The following HS6ST3 variants were observed in gnomAD, a reference collection of about 807,000 sequenced individuals.
The protein encoded by HS6ST3 is heparan sulfate 6-O-sulfotransferase 3.
Under a neutral mutation model 36.7 loss-of-function variants are expected in HS6ST3, and 12 were observed. The ratio of observed to expected loss-of-function variants is 0.33; its 90% CI spans 0.21 to 0.53. HS6ST3 has a LOEUF of 0.53. HS6ST3 is among the 20% of genes least tolerant of loss of function. The pLI is 0.95. For synonymous variants in HS6ST3, 240 were observed against 257.5 expected, an observed-to-expected ratio of 0.93 and a Z score of 0.65; for missense variants, 584 against 640.9, an observed-to-expected ratio of 0.91 and a Z score of 0.96.
At position 96,326,702 on chromosome 13, in the gene HS6ST3, G is replaced by C. The variant is rs138185755; in HGVS notation, c.707+235133G>C. On this transcript the variant is annotated intron_variant, in intron 1 of 1. Transcript: ENST00000376705. Reference sequence around the variant, plus strand: ...CCTTTGGGTATTTACCCAGTAATGGGATGGCTGGGTCAAATGGTATTTCTA... The same window carrying C: ...CCTTTGGGTATTTACCCAGTAATGGCATGGCTGGGTCAAATGGTATTTCTA... 1.6e-3 allele frequency among the ~76,000 whole-genome samples: 239 copies of C among 152,200 alleles called. 5 individuals carry two copies. The East Asian group carries it at 0.036, about 23-fold the overall frequency.
chr13:96,277,486 A>C (rs1385906725), intron 1 of HS6ST3, among the ~76,000 whole-genome samples: 2 of 152,198 alleles, frequency 1.3e-5, no homozygotes, highest in East Asian at 3.9e-4. Context: ...CTACTAAGTA[A>C]GAATTTTTGA....
chr13:96,759,752 G>C (rs1876920598), intron 1 of HS6ST3, among the ~76,000 whole-genome samples: 1 of 151,974 alleles, frequency 6.6e-6, no homozygotes, highest in Non-Finnish European at 1.5e-5. Context: ...TTTAATGTTT[G>C]AGAATTCTTA....
chr13:96,396,188 C>A (rs569015818), intron 1 of HS6ST3, among the ~76,000 whole-genome samples: 1 of 152,154 alleles, frequency 6.6e-6, no homozygotes, highest in East Asian at 1.9e-4. Context: ...GTAGTGGACA[C>A]CTGTAATCCC....
chr13:96,830,053 G>GTTT (rs59196223), intron 1 of HS6ST3, among the ~76,000 whole-genome samples: 9 of 150,062 alleles, frequency 6.0e-5, no homozygotes, highest in African/African-American at 2.0e-4. Context: ...CAACCATTCT[G>GTTT]TTTTTTTTTT....
chr13:96,659,094 T>G (rs571766710), intron 1 of HS6ST3, among the ~76,000 whole-genome samples: 60 of 152,316 alleles, frequency 3.9e-4, no homozygotes, highest in African/African-American at 1.4e-3. Context: ...AAGTAGAAAA[T>G]GACAGTTTTC....
chr13:96,142,117 A>G (rs2054035133), intron 1 of HS6ST3, among the ~76,000 whole-genome samples: 2 of 151,622 alleles, frequency 1.3e-5, no homozygotes, highest in Admixed American at 1.3e-4. Context: ...AGAGCTAATC[A>G]AGGGTCAAAT....
chr13:96,435,820 C>T (rs2055638960), intron 1 of HS6ST3, among the ~76,000 whole-genome samples: 2 of 151,406 alleles, frequency 1.3e-5, no homozygotes, highest in Admixed American at 6.6e-5. Flanking sequence ...TTTTATCAGA[C>T]TTTAGAAAAG....
chr13:96,613,843 C>T (rs1478261174), intron 1 of HS6ST3, among the ~76,000 whole-genome samples: 3 of 152,052 alleles, frequency 2.0e-5, no homozygotes, highest in Non-Finnish European at 1.5e-5. Flanking sequence ...TTTAATTGCA[C>T]TGTGGGAAAT....
At chr13:96,627,224 G>A (rs1402751401) in intron 1 of HS6ST3, among the ~76,000 whole-genome samples, 1 of 151,966 alleles carries the variant, frequency 6.6e-6, no homozygotes, top group Non-Finnish European at 1.5e-5. Flanking sequence ...ATATATTTTG[G>A]TTTGATTTAA....
At chr13:96,660,431 A>G (rs2056642404) in intron 1 of HS6ST3, among the ~76,000 whole-genome samples, 1 of 152,174 alleles carries the variant, frequency 6.6e-6, no homozygotes, top group African/African-American at 2.4e-5. Flanking sequence ...TGAGGAAAGG[A>G]TAGTCTTTTC....
chr13:96,463,753 A>T (rs1401254337), intron 1 of HS6ST3, among the ~76,000 whole-genome samples: 1 of 152,146 alleles, frequency 6.6e-6, no homozygotes, highest in Non-Finnish European at 1.5e-5. Flanking sequence ...AGAAAAAGAC[A>T]ATTCAGTAGG....
chr13:96,435,486 C>A (rs1045452612), intron 1 of HS6ST3, among the ~76,000 whole-genome samples: 1 of 152,194 alleles, frequency 6.6e-6, no homozygotes, highest in Non-Finnish European at 1.5e-5. Context: ...CCACTGGACA[C>A]TTAGGTGCTC....
At chr13:96,620,278 C>G (rs1366874893) in intron 1 of HS6ST3, among the ~76,000 whole-genome samples, 1 of 152,108 alleles carries the variant, frequency 6.6e-6, no homozygotes, top group Non-Finnish European at 1.5e-5. Flanking sequence ...ATGGTTTAGT[C>G]AAGAAAATTG....
chr13:96,112,536 C>T (rs989985328), intron 1 of HS6ST3, among the ~76,000 whole-genome samples: 8 of 136,554 alleles, frequency 5.9e-5, no homozygotes, highest in Admixed American at 2.4e-4. Context: ...AGTTTGAGAC[C>T]AGGTTGGGCA....
At chr13:96,570,775 T>C (rs982098921) in intron 1 of HS6ST3, among the ~76,000 whole-genome samples, 11 of 152,194 alleles carry the variant, frequency 7.2e-5, no homozygotes, top group Non-Finnish European at 1.0e-4. Flanking sequence ...CCATGAGGAA[T>C]GTATAATCTA....
At chr13:96,807,345 G>A (rs1878218804) in intron 1 of HS6ST3, among the ~76,000 whole-genome samples, 1 of 152,112 alleles carries the variant, frequency 6.6e-6, no homozygotes, top group Non-Finnish European at 1.5e-5. Context: ...TCAAAATGTG[G>A]TCTTATTTGG....
intron 1 of HS6ST3, among the ~76,000 whole-genome samples, chr13:96,284,533 G>A (rs1170529556): frequency 6.6e-6 from 1 of 152,138 alleles, no homozygotes; most frequent in Non-Finnish European, 1.5e-5. Context: ...TATTCTGGCT[G>A]TGCTGGAAGC....
intron 1 of HS6ST3, among the ~76,000 whole-genome samples, chr13:96,302,270 A>T (rs2054887323): frequency 6.6e-6 from 1 of 152,178 alleles, no homozygotes; most frequent in African/African-American, 2.4e-5. Context: ...TTATGTACAA[A>T]AAGATCCATT....
chr13:96,103,542 A>G (rs2053827453), intron 1 of HS6ST3, among the ~76,000 whole-genome samples: 1 of 152,218 alleles, frequency 6.6e-6, no homozygotes, highest in Non-Finnish European at 1.5e-5. Context: ...GACAATTTGG[A>G]TAAGAATGTG....
Sources: gnomAD v4.1 joint callset for allele counts (sites outside exome capture counted in the v4.1 genomes callset) on GRCh38, gnomAD v4.1.1 for gene constraint, MANE v1.5 for transcripts, NCBI Gene and HGNC (gene_info 2026-07-23, HGNC 2026-07-21) for gene names.